Variants in FHIT observed in about 807,000 individuals in gnomAD.
FHIT encodes bis(5'-adenosyl)-triphosphatase.
FHIT carries 19 observed loss-of-function variants against 17.9 expected under a neutral mutation model. That is an observed-to-expected ratio of 1.06 (90% confidence interval 0.74 to 1.56). The LOEUF is 1.56. FHIT is among the 40% of genes most tolerant of loss of function. The pLI is 0.00. For missense variants in FHIT, 248 were observed against 189.2 expected (o/e 1.31, Z -1.82); for synonymous variants, 81 against 69.7 (o/e 1.16, Z -0.81).
chr3:60,800,580 G>C (rs1575541725), intron 4 of FHIT, among the ~76,000 whole-genome samples: 1 of 152,100 alleles, frequency 6.6e-6, no homozygotes, highest in South Asian at 2.1e-4. Flanking sequence ...AGGGGAAAAG[G>C]GTATCTTAAA....
intron 3 of FHIT, among the ~76,000 whole-genome samples, chr3:60,955,302 A>C (rs530703060): frequency 6.6e-6 from 1 of 152,286 alleles, no homozygotes; most frequent in Admixed American, 6.5e-5. Context: ...GAAATAGCAC[A>C]TGGAGAAGAC....
intron 5 of FHIT, among the ~76,000 whole-genome samples, chr3:60,490,232 C>A (rs2034005567): frequency 6.6e-6 from 1 of 151,822 alleles, no homozygotes; most frequent in African/African-American, 2.4e-5. Context: ...CAAGGGTGAT[C>A]ATCTAATATT....
At chr3:59,978,103 A>C (rs1708493912) in intron 7 of FHIT, among the ~76,000 whole-genome samples, 1 of 152,164 alleles carries the variant, frequency 6.6e-6, no homozygotes, top group Non-Finnish European at 1.5e-5. Flanking sequence ...GTGGGTAAGT[A>C]TTATTGCTAA....
chr3:60,470,393 T>C (rs1157191800), intron 5 of FHIT, among the ~76,000 whole-genome samples: 1 of 152,038 alleles, frequency 6.6e-6, no homozygotes, highest in African/African-American at 2.4e-5. Context: ...TGGTGCTCTA[T>C]TCTACCGCAG....
At chr3:60,161,212 G>T (rs1055518688) in intron 5 of FHIT, among the ~76,000 whole-genome samples, 14 of 152,204 alleles carry the variant, frequency 9.2e-5, no homozygotes, top group Admixed American at 9.2e-4. Flanking sequence ...GTGGCAAATC[G>T]GTAGCATTGC....
intron 5 of FHIT, among the ~76,000 whole-genome samples, chr3:60,532,948 C>A (rs1040215948): frequency 7.0e-6 from 1 of 143,528 alleles, no homozygotes; most frequent in African/African-American, 2.6e-5. Flanking sequence ...CAAAGGGCAC[C>A]TGAATGCCAT....
At chr3:60,675,995 A>G (rs781977288) in intron 4 of FHIT, among the ~76,000 whole-genome samples, 6 of 152,200 alleles carry the variant, frequency 3.9e-5, no homozygotes, top group Non-Finnish European at 7.3e-5. Context: ...AAATACAGAT[A>G]AACAATCCAA....
At chr3:60,786,952 TA>T (rs1300297272) in intron 4 of FHIT, among the ~76,000 whole-genome samples, 3 of 122,710 alleles carry the variant, frequency 2.4e-5, no homozygotes, top group Admixed American at 8.2e-5. Context: ...GAAGGCAAAT[TA>T]AAAGAAGAAA....
At chr3:60,311,272 T>C (rs1263218422) in intron 5 of FHIT, among the ~76,000 whole-genome samples, 1 of 151,336 alleles carries the variant, frequency 6.6e-6, no homozygotes, top group Non-Finnish European at 1.5e-5. Context: ...TGTGTGTGTT[T>C]CATTTTGTTT....
intron 5 of FHIT, among the ~76,000 whole-genome samples, chr3:60,042,494 G>C (rs1356626095): frequency 6.6e-6 from 1 of 152,184 alleles, no homozygotes; most frequent in African/African-American, 2.4e-5. Context: ...AGGAGGATGT[G>C]TTCCAGGACT....
chr3:61,236,522 C>T (rs896513950), intron 1 of FHIT, among the ~76,000 whole-genome samples: 10 of 152,116 alleles, frequency 6.6e-5, no homozygotes, highest in African/African-American at 1.9e-4. Flanking sequence ...GGGAAAACAG[C>T]TCATTAGGTC....
At chr3:60,367,162 T>C (rs1407564565) in intron 5 of FHIT, among the ~76,000 whole-genome samples, 1 of 152,214 alleles carries the variant, frequency 6.6e-6, no homozygotes, top group Non-Finnish European at 1.5e-5. Context: ...GGCCCTTTGA[T>C]TTTAATTCTC....
At chr3:61,178,136 G>T (rs2038213927) in intron 2 of FHIT, among the ~76,000 whole-genome samples, 1 of 152,166 alleles carries the variant, frequency 6.6e-6, no homozygotes, top group Non-Finnish European at 1.5e-5. Context: ...GTTAAGAGGG[G>T]TAATTATAAA....
At chr3:60,968,836 G>C (rs1709873318) in intron 3 of FHIT, among the ~76,000 whole-genome samples, 1 of 152,012 alleles carries the variant, frequency 6.6e-6, no homozygotes, top group Non-Finnish European at 1.5e-5. Flanking sequence ...ATGATGATAT[G>C]GTTTCTCAGT....
At chr3:60,161,533 A>C (rs1005219684) in intron 5 of FHIT, among the ~76,000 whole-genome samples, 19 of 152,190 alleles carry the variant, frequency 1.2e-4, no homozygotes, top group African/African-American at 4.6e-4. Flanking sequence ...CTTAGTCATC[A>C]AGAAAGAAGA....
intron 5 of FHIT, among the ~76,000 whole-genome samples, chr3:60,378,226 CCATTCACAGGATGATCTCGATCTCCT>C (rs1206121960): frequency 6.6e-6 from 1 of 151,824 alleles, no homozygotes; most frequent in Non-Finnish European, 1.5e-5. Context: ...CGGGGTTTCA[CCATTCACAGGATGATCTCGATCTCCT>C]GACCTCGTGA....
chr3:59,958,756 G>T (rs1328082200), intron 7 of FHIT, among the ~76,000 whole-genome samples: 1 of 152,128 alleles, frequency 6.6e-6, no homozygotes, highest in African/African-American at 2.4e-5. Context: ...CTCTTCCGGG[G>T]CCAACCTTCT....
chr3:60,069,746 C>A (rs1178882395), intron 5 of FHIT, among the ~76,000 whole-genome samples: 1 of 152,104 alleles, frequency 6.6e-6, no homozygotes, highest in African/African-American at 2.4e-5. Context: ...TCCTTCTCAG[C>A]CATCAATCAA....
chr3:60,980,223 C>T (rs1710435429), intron 3 of FHIT, among the ~76,000 whole-genome samples: 3 of 152,136 alleles, frequency 2.0e-5, no homozygotes, highest in South Asian at 4.1e-4. Flanking sequence ...TGCATTTACT[C>T]TGTATAAAGC....
Sources: allele counts gnomAD v4.1 joint callset (sites outside exome capture counted in the v4.1 genomes callset), GRCh38; gene constraint gnomAD v4.1.1; transcripts MANE v1.5; gene names NCBI Gene and HGNC (gene_info 2026-07-23, HGNC 2026-07-21).